LRMDA: variants seen among roughly 807,000 people sequenced by gnomAD.
LRMDA encodes the protein leucine rich melanocyte differentiation associated.
LRMDA carries 18 observed loss-of-function variants against 29.8 expected under a neutral mutation model. The observed-to-expected ratio is 0.60, with a 90% CI of 0.42 to 0.90. The LOEUF (loss-of-function observed/expected upper bound fraction) is 0.90. LRMDA is among the 40% of genes least tolerant of loss of function. The probability of loss-of-function intolerance (pLI) is 0.00; values close to 1 mark genes in which losing one functional copy is unlikely to be tolerated. For synonymous variants in LRMDA, 125 were observed against 109.4 expected (o/e 1.14, Z -0.89); for missense variants, 273 against 273.9 (o/e 1.00, Z 0.02).
At chr10:76,176,357 C>T (rs1464684266) in intron 5 of LRMDA, among the ~76,000 whole-genome samples, 4 of 152,082 alleles carry the variant, frequency 2.6e-5, no homozygotes, top group Non-Finnish European at 4.4e-5. Context: ...TAATGAATAC[C>T]GATTACAATA....
chr10:75,756,207 A>G (rs1467701119), intron 2 of LRMDA, among the ~76,000 whole-genome samples: 1 of 152,200 alleles, frequency 6.6e-6, no homozygotes, highest in Non-Finnish European at 1.5e-5. Flanking sequence ...CCACCCTTGT[A>G]ACTGTTTCCT....
In LRMDA at chr10:76,557,488, T is replaced by TAGAG. The variant is rs1278616417; in HGVS notation, c.*202_*205dup. ...TTCTGCCTTAGACTGAGTGGTCACA[T>TAGAG]AGAGATTGACATGATTGCCCTTAAG... is the stretch of plus-strand genomic sequence containing the variant. On this transcript the variant is annotated 3_prime_UTR_variant, in exon 7 of 7. Transcript: ENST00000611255. The TAGAG allele has an allele frequency of 3.3e-6, 2 of 601,174 alleles. No individual in the cohort carries two copies. The highest frequency in any genetic ancestry group is 5.9e-6 in the Non-Finnish European group (2 of 340,026). The allele number at this position is 601,174 out of a possible 1,614,324, so 37.2% of individuals were successfully genotyped here.
chr10:75,745,809 G>A (rs978860077), intron 2 of LRMDA, among the ~76,000 whole-genome samples: 2 of 152,242 alleles, frequency 1.3e-5, no homozygotes, highest in Non-Finnish European at 2.9e-5. Flanking sequence ...TGACAATTCA[G>A]CTTTTCTTTG....
rs558637864 is a variant in LRMDA at position 76,251,226 on chromosome 10, C to CTTTTTTTT, written c.517-73145_517-73138dup. Among the ~76,000 whole-genome samples, 6 of 70,264 alleles carry CTTTTTTTT rather than the reference C, an allele frequency of 8.5e-5. 1 individual carries two copies. Among genetic ancestry groups the CTTTTTTTT allele is most frequent in the Non-Finnish European group, 1.1e-4 (4 of 35,202 alleles). 46.1% of individuals were successfully genotyped at this position (70,264 alleles called of 152,430 possible). The stretch of plus-strand genomic sequence containing the variant: ...CATTGAAGGTTATCTCCCGTCGCTT[C>CTTTTTTTT]TTTTTTTTTTTTTTTTTTTTTTTTT... On this transcript the variant is annotated intron_variant, in intron 5 of 6. Coordinates refer to ENST00000611255, the MANE Select transcript of LRMDA (RefSeq NM_001305581.2).
rs544792726 is a variant in LRMDA at position 76,276,636 on chromosome 10, T to C, written c.517-47765T>C. ...TTTGCTAATTCCAACATCTGAGCCA[T>C]ATATGTGGATTATTTTTTTTACACA... On this transcript the variant is annotated intron_variant, in intron 5 of 6. Transcript: ENST00000611255. 2.6e-5 allele frequency among the ~76,000 whole-genome samples: 4 copies of C among 152,308 alleles called. No homozygotes were observed. In the South Asian group the frequency reaches 8.3e-4, roughly 32 times the overall value.
intron 2 of LRMDA, among the ~76,000 whole-genome samples, chr10:75,585,731 A>G (rs1203760358): frequency 4.6e-5 from 7 of 152,198 alleles, no homozygotes; most frequent in Non-Finnish European, 7.4e-5. Flanking sequence ...TGTGCAATAC[A>G]TTATTGTTGA....
At chr10:75,443,529 A>G (rs1185277445) in intron 2 of LRMDA, among the ~76,000 whole-genome samples, 1 of 152,180 alleles carries the variant, frequency 6.6e-6, no homozygotes, top group East Asian at 1.9e-4. Flanking sequence ...CGTATGTTAA[A>G]CTATCCTTGC....
chr10:75,559,316 T>G (rs975571025), intron 2 of LRMDA, among the ~76,000 whole-genome samples: 1 of 150,708 alleles, frequency 6.6e-6, no homozygotes, highest in African/African-American at 2.4e-5. Context: ...GTTTTTTGGC[T>G]GCATAAATGT....
intron 2 of LRMDA, among the ~76,000 whole-genome samples, chr10:75,592,375 A>G (rs1473885737): frequency 6.6e-6 from 1 of 152,204 alleles, no homozygotes; most frequent in African/African-American, 2.4e-5. Flanking sequence ...CAGCGATAGG[A>G]GTCAAACCTC....
chr10:75,823,965 G>A (rs184396265), intron 2 of LRMDA, among the ~76,000 whole-genome samples: 26 of 152,164 alleles, frequency 1.7e-4, no homozygotes, highest in Non-Finnish European at 8.8e-5. Flanking sequence ...TACAGAGTGG[G>A]ATAATAGACA....
At chr10:75,875,471 T>C (rs557297488) in intron 2 of LRMDA, among the ~76,000 whole-genome samples, 199 of 152,262 alleles carry the variant, frequency 1.3e-3, no homozygotes, top group African/African-American at 4.5e-3. Flanking sequence ...TTCACTCTTG[T>C]TGCCCAGGAT....
intron 2 of LRMDA, among the ~76,000 whole-genome samples, chr10:75,589,059 T>C (rs1236600432): frequency 1.3e-5 from 2 of 152,220 alleles, no homozygotes; most frequent in African/African-American, 4.8e-5. Flanking sequence ...AGAGCTGTAG[T>C]GAGTTACCTT....
chr10:76,193,306 C>G (rs766373794), intron 5 of LRMDA, among the ~76,000 whole-genome samples: 16 of 152,110 alleles, frequency 1.1e-4, no homozygotes, highest in Non-Finnish European at 1.6e-4. Context: ...TTAAACATGT[C>G]TTTGATTGCA....
At chr10:75,684,341 C>G (rs980334533) in intron 2 of LRMDA, among the ~76,000 whole-genome samples, 3 of 152,192 alleles carry the variant, frequency 2.0e-5, no homozygotes, top group South Asian at 2.1e-4. Flanking sequence ...GTTGTTGTTA[C>G]ATCTTTCACG....
intron 2 of LRMDA, among the ~76,000 whole-genome samples, chr10:76,018,888 T>A (rs1350119883): frequency 2.0e-5 from 3 of 152,118 alleles, no homozygotes; most frequent in Non-Finnish European, 4.4e-5. Context: ...TCTTAAGACA[T>A]AAAGTGAAAA....
intron 5 of LRMDA, among the ~76,000 whole-genome samples, chr10:76,155,520 A>C (rs1168636115): frequency 6.6e-6 from 1 of 152,186 alleles, no homozygotes; most frequent in Non-Finnish European, 1.5e-5. Flanking sequence ...GCATTTTTCA[A>C]TATATGATTT....
At chr10:76,531,709 A>G (rs1465382315) in intron 6 of LRMDA, among the ~76,000 whole-genome samples, 1 of 152,108 alleles carries the variant, frequency 6.6e-6, no homozygotes, top group African/African-American at 2.4e-5. Flanking sequence ...GGATTTTTGC[A>G]TGCACATTCA....
intron 6 of LRMDA, among the ~76,000 whole-genome samples, chr10:76,525,694 G>T (rs1327359482): frequency 2.6e-5 from 4 of 152,060 alleles, no homozygotes. Flanking sequence ...CACTGTGTTA[G>T]TTGTTTTACA....
intron 2 of LRMDA, among the ~76,000 whole-genome samples, chr10:75,832,697 C>T (rs539422810): frequency 6.6e-6 from 1 of 152,352 alleles, no homozygotes; most frequent in South Asian, 2.1e-4. Flanking sequence ...TTTAATTAGA[C>T]TTACAGTTCC....
Sources: gnomAD v4.1 joint callset for allele counts (sites outside exome capture counted in the v4.1 genomes callset) on GRCh38, gnomAD v4.1.1 for gene constraint, MANE v1.5 for transcripts, NCBI Gene and HGNC (gene_info 2026-07-23, HGNC 2026-07-21) for gene names.